The following PCCA variants were observed in gnomAD, a reference collection of about 807,000 sequenced individuals.
The protein encoded by PCCA is propionyl-CoA carboxylase alpha chain, mitochondrial.
In PCCA, 74 loss-of-function variants were observed where a neutral mutation model predicts 101.3. The observed-to-expected ratio is 0.73, with a 90% CI of 0.61 to 0.89. The LOEUF (loss-of-function observed/expected upper bound fraction) is 0.89. PCCA is among the 40% of genes least tolerant of loss of function. The pLI is 0.00. For synonymous variants in PCCA, 294 were observed against 313.6 expected (o/e 0.94, Z 0.66); for missense variants, 891 against 907.0 (o/e 0.98, Z 0.23).
chr13:100,276,348 A>C (rs1291502631), intron 12 of PCCA, among the ~76,000 whole-genome samples: 1 of 151,150 alleles, frequency 6.6e-6, no homozygotes, highest in African/African-American at 2.4e-5. Flanking sequence ...GCTTATTTGG[A>C]CATAATTGAT....
intron 4 of PCCA, chr13:100,149,843 G>C (rs7984538): frequency 0.67 from 101,742 of 152,002 alleles, 34,523 homozygotes; most frequent in South Asian, 0.82. Context: ...TATTCAAAAT[G>C]TTTCACTGAG....
intron 19 of PCCA, among the ~76,000 whole-genome samples, chr13:100,370,398 A>G (rs2075502955): frequency 6.6e-6 from 1 of 151,984 alleles, no homozygotes; most frequent in South Asian, 2.1e-4. Flanking sequence ...TTTAGATTCC[A>G]TGTTGAAAAG....
At chr13:100,482,312 T>C (rs1288712451) in intron 21 of PCCA, among the ~76,000 whole-genome samples, 1 of 152,074 alleles carries the variant, frequency 6.6e-6, no homozygotes, top group East Asian at 1.9e-4. Context: ...GAGAATTTGT[T>C]GATTGGAATG....
chr13:100,376,795 C>A (rs529495609), intron 19 of PCCA, among the ~76,000 whole-genome samples: 12 of 152,254 alleles, frequency 7.9e-5, no homozygotes, highest in African/African-American at 2.2e-4. Flanking sequence ...GCTTCAGCCC[C>A]GTTTCCAGGG....
intron 12 of PCCA, among the ~76,000 whole-genome samples, chr13:100,294,595 C>A (rs535364068): frequency 6.6e-6 from 1 of 152,218 alleles, no homozygotes. Context: ...ATTTCAGCTC[C>A]AAAGTGAATT....
intron 4 of PCCA, among the ~76,000 whole-genome samples, chr13:100,138,484 C>A (rs1013103464): frequency 1.3e-5 from 2 of 152,170 alleles, no homozygotes; most frequent in Non-Finnish European, 2.9e-5. Context: ...AACAGTTAAA[C>A]GTATTTCAAA....
intron 2 of PCCA, among the ~76,000 whole-genome samples, chr13:100,105,259 A>G (rs964498743): frequency 1.9e-4 from 29 of 152,106 alleles, no homozygotes; most frequent in South Asian, 4.1e-4. Flanking sequence ...TGGATAGTGC[A>G]GGTCTATTGA....
At chr13:100,514,904 A>T (rs1440312771) in intron 21 of PCCA, among the ~76,000 whole-genome samples, 2 of 152,230 alleles carry the variant, frequency 1.3e-5, no homozygotes, top group African/African-American at 2.4e-5. Context: ...AAAAAATGGA[A>T]TTTTAAATAC....
At chr13:100,227,375 G>A (rs2060204761) in intron 7 of PCCA, among the ~76,000 whole-genome samples, 1 of 152,068 alleles carries the variant, frequency 6.6e-6, no homozygotes, top group South Asian at 2.1e-4. Context: ...CCAGATTTTT[G>A]TTAACTCTTT....
intron 11 of PCCA, among the ~76,000 whole-genome samples, chr13:100,270,641 A>T (rs1359374179): frequency 6.6e-6 from 1 of 152,246 alleles, no homozygotes; most frequent in East Asian, 1.9e-4. Context: ...AGAACTCATC[A>T]TTAATACTGA....
intron 19 of PCCA, among the ~76,000 whole-genome samples, chr13:100,389,321 C>T (rs532518835): frequency 1.5e-4 from 23 of 152,202 alleles, no homozygotes; most frequent in African/African-American, 5.1e-4. Flanking sequence ...CTATAAAGAA[C>T]GAGATCATGT....
At chr13:100,501,269 T>C (rs1000008841) in intron 21 of PCCA, among the ~76,000 whole-genome samples, 1 of 152,206 alleles carries the variant, frequency 6.6e-6, no homozygotes, top group Non-Finnish European at 1.5e-5. Context: ...GTGACATGCA[T>C]AGATTGAATA....
chr13:100,348,802 T>C (rs1370563430), intron 18 of PCCA, among the ~76,000 whole-genome samples: 87 of 140,242 alleles, frequency 6.2e-4, no homozygotes, highest in African/African-American at 1.1e-3. Context: ...CTTCCTTCCT[T>C]CCTTCCTTCC....
intron 20 of PCCA, among the ~76,000 whole-genome samples, chr13:100,437,804 G>C (rs977107353): frequency 1.3e-5 from 2 of 152,016 alleles, no homozygotes; most frequent in African/African-American, 4.8e-5. Context: ...AAGTAGCTGG[G>C]ACTACAGGCA....
intron 18 of PCCA, among the ~76,000 whole-genome samples, chr13:100,340,544 T>G (rs2071146862): frequency 6.6e-6 from 1 of 152,246 alleles, no homozygotes; most frequent in Admixed American, 6.5e-5. Flanking sequence ...AGTTTGTGTT[T>G]ATGATTTCTG....
At chr13:100,118,266 A>G (rs2049021767) in intron 4 of PCCA, among the ~76,000 whole-genome samples, 1 of 152,152 alleles carries the variant, frequency 6.6e-6, no homozygotes. Context: ...TTATTCTATA[A>G]TATCATGTAA....
At chr13:100,200,709 T>C (rs1410438829) in intron 6 of PCCA, among the ~76,000 whole-genome samples, 1 of 150,938 alleles carries the variant, frequency 6.6e-6, no homozygotes, top group Non-Finnish European at 1.5e-5. Flanking sequence ...ATGCCAACCC[T>C]AACCCAAAAT....
chr13:100,139,117 G>A (rs1227547890), intron 4 of PCCA, among the ~76,000 whole-genome samples: 1 of 151,886 alleles, frequency 6.6e-6, no homozygotes, highest in Non-Finnish European at 1.5e-5. Flanking sequence ...ATAGTAGTTT[G>A]AGTATCATTC....
intron 11 of PCCA, among the ~76,000 whole-genome samples, chr13:100,269,017 T>A (rs1390047626): frequency 6.6e-6 from 1 of 152,090 alleles, no homozygotes; most frequent in Non-Finnish European, 1.5e-5. Flanking sequence ...GCCCAGCTAA[T>A]TTTTGTGTTT....
Sources: allele counts gnomAD v4.1 joint callset (sites outside exome capture counted in the v4.1 genomes callset), GRCh38; gene constraint gnomAD v4.1.1; transcripts MANE v1.5; gene names NCBI Gene and HGNC (gene_info 2026-07-23, HGNC 2026-07-21).